TMEM50A: variants seen among roughly 807,000 people sequenced by gnomAD.
TMEM50A encodes the protein cervical cancer oncogene 9.
In TMEM50A, 8 loss-of-function variants were observed where a neutral mutation model predicts 23.9. That is an observed-to-expected ratio of 0.33 (90% CI 0.20 to 0.60). The LOEUF (loss-of-function observed/expected upper bound fraction) is 0.60, where lower values mean the gene tolerates loss of function less well. Ranked by LOEUF, TMEM50A falls within the 20% of genes least tolerant of loss-of-function variation. The pLI is 0.81. For missense variants in TMEM50A, 178 were observed against 192.7 expected (o/e 0.92, Z 0.45); for synonymous variants, 55 against 60.4 (o/e 0.91, Z 0.41).
chr1:25,343,032 A>T lies in TMEM50A; in HGVS notation c.165A>T (p.Ser55=), dbSNP rs1645181238. Residue 55 remains serine, a synonymous_variant, in exon 3 of 7, where the codon TCA becomes TCT. Transcript: ENST00000374358. Reference sequence around the variant, plus strand: ...CCACCATGAAAGATTTCAACCACTCATACCATGCCTGTGGTGTTATAGCAA... The same window carrying T: ...CCACCATGAAAGATTTCAACCACTCTTACCATGCCTGTGGTGTTATAGCAA... ...IYPTMKDFNH[S]YHACGVIATI... is the part of the protein sequence containing the mutation. The T allele has an allele frequency of 6.2e-7, 1 of 1,613,674 alleles. No individual in the cohort carries two copies. Among genetic ancestry groups the T allele is most frequent in the African/African-American group, 1.3e-5 (1 of 75,040 alleles).
At position 25,356,779 on chromosome 1, in the gene TMEM50A, A is replaced by G. The variant is rs773102324; in HGVS notation, c.368-14A>G. The G allele has an allele frequency of 3.8e-6, 6 of 1,568,568 alleles. No homozygotes were observed. In the East Asian group the frequency reaches 1.1e-4, roughly 30 times the overall value. On this transcript the variant is annotated splice_polypyrimidine_tract_variant and intron_variant, in intron 5 of 6. Coordinates refer to ENST00000374358, the MANE Select transcript of TMEM50A (RefSeq NM_014313.4). Reference sequence around the variant, plus strand: ...GAGATCATAACCCTCTAAACACTGCAATTATTTTTACAGAAAAAGACATAG... The same window carrying G: ...GAGATCATAACCCTCTAAACACTGCGATTATTTTTACAGAAAAAGACATAG...
rs1329964272 is a variant in TMEM50A, at chr1:25,351,684, G to C, written c.265G>C (p.Gly89Arg). The change falls in exon 4 of 7, where the codon GGT becomes CGT. Residue 89 changes from glycine to arginine, a missense_variant. By Grantham distance (125) the Gly-to-Arg change is moderately radical (BLOSUM62 -2). Coordinates refer to ENST00000374358, the MANE Select transcript of TMEM50A (RefSeq NM_014313.4). ...RGDSYSEGCL[G>R]QTGARIWLFV... is the part of the protein sequence containing the mutation. Reference sequence around the variant, plus strand: ...TGATAGTTACAGTGAAGGTTGTCTGGGTCAAACAGGTAAATAGGTGCAAAC... The same window carrying C: ...TGATAGTTACAGTGAAGGTTGTCTGCGTCAAACAGGTAAATAGGTGCAAAC... 2.5e-6 allele frequency: 4 copies of C among 1,613,086 alleles called. No homozygotes were observed. The Admixed American group carries it at 5.0e-5, about 20-fold the overall frequency.
chr1:25,352,330 C>T (rs747510052), intron 4 of TMEM50A, among the ~76,000 whole-genome samples: 6 of 151,896 alleles, frequency 4.0e-5, no homozygotes, highest in Non-Finnish European at 7.4e-5. Context: ...CCCGTCTCTA[C>T]TAAAAATACA....
At position 25,339,626 on chromosome 1, in the gene TMEM50A, T is replaced by A. The variant is rs897436699; in HGVS notation, c.-13-848T>A. Among the ~76,000 whole-genome samples, 4 of 152,356 alleles carry A rather than the reference T, an allele frequency of 2.6e-5. No homozygotes were observed. The East Asian group carries it at 7.7e-4, about 29-fold the overall frequency. On this transcript the variant is annotated intron_variant, in intron 1 of 6. Transcript: ENST00000374358. Reference sequence around the variant, plus strand: ...ATGTAAATTAGAGAAATATTTTTCATTTGAATCTGTAATTCCACTCAGAGC... The same window carrying A: ...ATGTAAATTAGAGAAATATTTTTCAATTGAATCTGTAATTCCACTCAGAGC...
chr1:25,354,207 C>G (rs938792189), intron 5 of TMEM50A, among the ~76,000 whole-genome samples: 1 of 152,068 alleles, frequency 6.6e-6, no homozygotes, highest in African/African-American at 2.4e-5. Flanking sequence ...CCAGGCTGGT[C>G]TCAAACTCCT....
chr1:25,338,559 C>T (rs1645127492), intron 1 of TMEM50A, 103 bp downstream of exon 1: 2 of 152,512 alleles, frequency 1.3e-5, no homozygotes, highest in South Asian at 4.1e-4. Context: ...AGCACAGGCT[C>T]GTTGCCGCCA....
At chr1:25,355,894 A>G (rs3093629) in intron 5 of TMEM50A, among the ~76,000 whole-genome samples, 144,033 of 152,296 alleles carry the variant, frequency 0.95, 68,578 homozygotes, top group East Asian at 1. Flanking sequence ...CAAAAGCCCT[A>G]GATGGTGAAG....
rs188385219 is a variant in TMEM50A at position 25,354,494 on chromosome 1, C to T, written c.367+1520C>T. Among the ~76,000 whole-genome samples the T allele has an allele frequency of 4.9e-4, 75 of 152,090 alleles. 1 individual carries two copies. Among genetic ancestry groups the T allele is most frequent in the African/African-American group, 1.5e-3 (61 of 41,498 alleles). On this transcript the variant is annotated intron_variant, in intron 5 of 6. Transcript: ENST00000374358. ...GACTATGGTGACGTGCATGTGTGGTCCCAGCTACTCGGGAGACTGACGTGA... is the reference window on the plus strand; with the variant it reads ...GACTATGGTGACGTGCATGTGTGGTTCCAGCTACTCGGGAGACTGACGTGA...
At chr1:25,359,402 C>T (rs957259247) in intron 6 of TMEM50A, among the ~76,000 whole-genome samples, 50 of 151,934 alleles carry the variant, frequency 3.3e-4, no homozygotes, top group Admixed American at 2.8e-3. Flanking sequence ...GTTCCCTCAC[C>T]GAAACCCTAG....
intron 6 of TMEM50A, 116 bp downstream of exon 6, chr1:25,356,969 T>C (rs1443716936): frequency 1.4e-6 from 1 of 698,848 alleles, no homozygotes; most frequent in African/African-American, 1.8e-5. Context: ...CCCCATGATA[T>C]TTTCATAAAA....
intron 3 of TMEM50A, among the ~76,000 whole-genome samples, chr1:25,349,908 T>A (rs555961662): frequency 6.6e-6 from 1 of 152,362 alleles, no homozygotes; most frequent in East Asian, 1.9e-4. Flanking sequence ...GGTATATATA[T>A]CATAGGTATA....
rs570353541 is a variant in TMEM50A at position 25,357,986 on chromosome 1, C to T, written c.428+1133C>T. On this transcript the variant is annotated intron_variant, in intron 6 of 6. Transcript: ENST00000374358. ...TTTTTTAGAGGGAGTCTCACTCTGT[C>T]GCCCAGGCTGGAATGCAGTGGCGTG... is the stretch of plus-strand genomic sequence containing the variant. 1.1e-4 allele frequency among the ~76,000 whole-genome samples: 16 copies of T among 145,386 alleles called. No individual in the cohort carries two copies. The South Asian group carries it at 2.8e-3, about 26-fold the overall frequency.
chr1:25,352,827 G>T, intron 4 of TMEM50A, 55 bp from the exon 5 acceptor site: 2 of 1,482,734 alleles, frequency 1.3e-6, no homozygotes, highest in Non-Finnish European at 9.1e-7. Flanking sequence ...CTTTTTGAAA[G>T]TTAATTGTAC....
intron 3 of TMEM50A, among the ~76,000 whole-genome samples, chr1:25,346,655 C>T (rs551508982): frequency 3.0e-4 from 45 of 152,140 alleles, no homozygotes; most frequent in Non-Finnish European, 6.0e-4. Context: ...CTGCCTTGGC[C>T]TCCGAGAGTG....
At chr1:25,338,508 G>C (rs1368899332) in intron 1 of TMEM50A, 52 bp downstream of exon 1, 1 of 152,450 alleles carries the variant, frequency 6.6e-6, no homozygotes, top group Non-Finnish European at 1.5e-5. Context: ...GCAGGCTGGA[G>C]AGGCCTCGGA....
chr1:25,360,756 T>G lies in TMEM50A; in HGVS notation c.*51T>G, dbSNP rs368088624. ...CAGCCCTGCATGGGTTTGTTTGTTT[T>G]TTTACTGCTCACTCCCAACCTTTTG... On this transcript the variant is annotated 3_prime_UTR_variant, in exon 7 of 7. Coordinates refer to ENST00000374358, the MANE Select transcript of TMEM50A (RefSeq NM_014313.4). 1.9e-6 allele frequency: 3 copies of G among 1,593,314 alleles called. No individual in the cohort carries two copies. Among genetic ancestry groups the G allele is most frequent in the African/African-American group, 2.7e-5 (2 of 74,474 alleles).
At chr1:25,348,847 C>T (rs553447249) in intron 3 of TMEM50A, among the ~76,000 whole-genome samples, 1 of 152,214 alleles carries the variant, frequency 6.6e-6, no homozygotes, top group African/African-American at 2.4e-5. Context: ...CTCTTCTCCA[C>T]TTCCTTTCCT....
intron 1 of TMEM50A, chr1:25,338,965 T>C (rs1045904039): frequency 6.6e-6 from 1 of 152,172 alleles, no homozygotes; most frequent in Admixed American, 6.5e-5. Context: ...ATAACACTTA[T>C]TGAATTGCAG....
rs766564973 is a variant in TMEM50A, at chr1:25,343,090, T to C, written c.206+17T>C. 68 of 1,572,378 alleles carry C rather than the reference T, an allele frequency of 4.3e-5. No individual in the cohort carries two copies. Among genetic ancestry groups the C allele is most frequent in the Non-Finnish European group, 5.3e-5 (61 of 1,152,534 alleles). On this transcript the variant is annotated intron_variant, in intron 3 of 6. Transcript: ENST00000374358. The stretch of plus-strand genomic sequence containing the variant: ...CTTCCTAATGTAAGTGTCATCGTAA[T>C]TGGCATTACTTACATAGCTTGCCAC...
Sources: gnomAD v4.1 joint callset for allele counts (sites outside exome capture counted in the v4.1 genomes callset) on GRCh38, gnomAD v4.1.1 for gene constraint, MANE v1.5 for transcripts, NCBI Gene and HGNC (gene_info 2026-07-23, HGNC 2026-07-21) for gene names.